Variants in G3BP1 observed in about 807,000 individuals in gnomAD.
The protein encoded by G3BP1 is G3BP stress granule assembly factor 1, also known as ras GTPase-activating protein-binding protein 1.
G3BP1 carries 35 observed loss-of-function variants against 58.6 expected under a neutral mutation model. That is an observed-to-expected ratio of 0.60 (90% confidence interval 0.46 to 0.79). The LOEUF is 0.79. Ranked by LOEUF, G3BP1 falls within the 30% of genes least tolerant of loss-of-function variation. G3BP1 has a pLI of 0.00. For missense variants in G3BP1, 523 were observed against 580.8 expected, an observed-to-expected ratio of 0.90 and a Z score of 1.02; for synonymous variants, 191 against 195.4, an observed-to-expected ratio of 0.98 and a Z score of 0.19.
In G3BP1 at chr5:151,812,528, A is replaced by T. The variant is rs961329808; in HGVS notation, c.*8437A>T. ...TCTAAGCGGGCAAAATGGGGAAAACATGAAGGGCAAGTCCTTTGGGGATGA... is the reference window on the plus strand; with the variant it reads ...TCTAAGCGGGCAAAATGGGGAAAACTTGAAGGGCAAGTCCTTTGGGGATGA... On this transcript the variant is annotated 3_prime_UTR_variant, in exon 12 of 12. Transcript: ENST00000356245. 8 of 152,248 alleles carry T rather than the reference A, an allele frequency of 5.3e-5. No homozygotes were observed. The highest frequency in any genetic ancestry group is 1.9e-4 in the African/African-American group (8 of 41,458). The allele number at this position is 152,248 out of a possible 1,614,324, so 9.4% of individuals were successfully genotyped here. A position where few individuals can be genotyped will look rare whatever the true frequency, so the allele number is the denominator to read the frequency against.
In G3BP1 at chr5:151,786,246, A is replaced by G. The variant is rs1389238463; in HGVS notation, c.-49-326A>G. ...GGAGGTTGTGGTGAGCCGAGATCGC[A>G]CCACTGCACTCCAGCCTGGGCAACA... On this transcript the variant is annotated intron_variant, in intron 1 of 11. Transcript: ENST00000356245. Among the ~76,000 whole-genome samples the G allele has an allele frequency of 2.6e-5, 4 of 152,176 alleles. No homozygotes were observed. In the East Asian group the frequency reaches 7.7e-4, roughly 29 times the overall value.
intron 1 of G3BP1, among the ~76,000 whole-genome samples, chr5:151,774,456 G>A (rs746921479): frequency 6.6e-6 from 1 of 151,956 alleles, no homozygotes; most frequent in Admixed American, 6.5e-5. Flanking sequence ...GACTGATGGG[G>A]CTAGTGTTAA....
intron 3 of G3BP1, 72 bp from the exon 4 acceptor site, chr5:151,790,817 T>G: frequency 2.3e-6 from 2 of 872,144 alleles, no homozygotes; most frequent in Non-Finnish European, 1.8e-6. Context: ...TGGAAGGTTT[T>G]TTTTAGTTGG....
chr5:151,800,927 T>C, intron 11 of G3BP1, 58 bp downstream of exon 11: 2 of 823,302 alleles, frequency 2.4e-6, no homozygotes, highest in East Asian at 2.5e-5. Flanking sequence ...TTTTGGTTCT[T>C]TAGAATATAT....
chr5:151,774,425 T>A (rs968034212), intron 1 of G3BP1, among the ~76,000 whole-genome samples: 8 of 151,990 alleles, frequency 5.3e-5, no homozygotes, highest in Non-Finnish European at 1.0e-4. Flanking sequence ...TAAAAGTTTG[T>A]GAATTTTATA....
chr5:151,777,082 A>C (rs1427017699), intron 1 of G3BP1, among the ~76,000 whole-genome samples: 1 of 152,192 alleles, frequency 6.6e-6, no homozygotes. Context: ...AAGGGAGGTG[A>C]CAGGTGGTAA....
At chr5:151,774,133 T>C (rs1293976065) in intron 1 of G3BP1, among the ~76,000 whole-genome samples, 1 of 152,160 alleles carries the variant, frequency 6.6e-6, no homozygotes, top group Non-Finnish European at 1.5e-5. Flanking sequence ...CTGCCCTACA[T>C]CCCTACCAAG....
At chr5:151,796,253 A>G (rs1227659021) in intron 6 of G3BP1, among the ~76,000 whole-genome samples, 2 of 152,102 alleles carry the variant, frequency 1.3e-5, no homozygotes, top group Non-Finnish European at 2.9e-5. Flanking sequence ...TCAGGAGGCA[A>G]AACATCTGCA....
At chr5:151,774,909 ATC>A (rs2113212491) in intron 1 of G3BP1, among the ~76,000 whole-genome samples, 1 of 149,206 alleles carries the variant, frequency 6.7e-6, no homozygotes, top group Non-Finnish European at 1.5e-5. Flanking sequence ...ATAATTTTAT[ATC>A]TCAGAAATCA....
At chr5:151,782,128 A>C (rs546872760) in intron 1 of G3BP1, among the ~76,000 whole-genome samples, 1 of 152,154 alleles carries the variant, frequency 6.6e-6, no homozygotes, top group Non-Finnish European at 1.5e-5. Flanking sequence ...TTTGATACTG[A>C]TAGTAATAAT....
At chr5:151,784,878 A>G (rs917880336) in intron 1 of G3BP1, among the ~76,000 whole-genome samples, 1 of 152,204 alleles carries the variant, frequency 6.6e-6, no homozygotes, top group African/African-American at 2.4e-5. Flanking sequence ...TATAGTGTAA[A>G]TGGGAAACTA....
rs1762560204 is a variant in G3BP1, at chr5:151,786,723, AT to A, written c.95+13del. 3.3e-6 allele frequency: 5 copies of A among 1,514,118 alleles called. No individual in the cohort carries two copies. The highest frequency in any genetic ancestry group is 2.8e-6 in the Non-Finnish European group (3 of 1,089,024). The allele number at this position is 1,514,118 out of a possible 1,614,324, so 93.8% of individuals were successfully genotyped here. A position where few individuals can be genotyped will look rare whatever the true frequency, so the allele number is the denominator to read the frequency against. ...CCCAGACATGCTGCATAGGTAAGAC[AT>A]TTTTCTCCTGCATCATCTAATGCTG... On this transcript the variant is annotated intron_variant, in intron 2 of 11. Coordinates refer to ENST00000356245, the MANE Select transcript of G3BP1 (RefSeq NM_005754.3).
intron 1 of G3BP1, among the ~76,000 whole-genome samples, chr5:151,780,805 C>T (rs927871880): frequency 1.3e-5 from 2 of 152,100 alleles, no homozygotes; most frequent in African/African-American, 4.8e-5. Flanking sequence ...AGCCACCGCG[C>T]CTGGCTGATA....
At chr5:151,783,410 A>ATT (rs141266723) in intron 1 of G3BP1, among the ~76,000 whole-genome samples, 13 of 146,108 alleles carry the variant, frequency 8.9e-5, no homozygotes, top group African/African-American at 3.0e-4. Flanking sequence ...AAATAAACAG[A>ATT]TTTTTTTTTT....
chr5:151,799,737 C>T (rs985721327), intron 8 of G3BP1, 152 bp from the exon 9 acceptor site: 8 of 595,750 alleles, frequency 1.3e-5, no homozygotes, highest in East Asian at 2.9e-5. Context: ...ACATATAGGA[C>T]GGAAGAGAAG....
At chr5:151,776,866 A>G (rs1015058332) in intron 1 of G3BP1, among the ~76,000 whole-genome samples, 6 of 148,718 alleles carry the variant, frequency 4.0e-5, no homozygotes, top group Non-Finnish European at 8.9e-5. Flanking sequence ...TGTGCTGGCC[A>G]CAGTTTATTT....
chr5:151,787,563 G>A (rs1284397854), intron 2 of G3BP1, among the ~76,000 whole-genome samples: 2 of 152,118 alleles, frequency 1.3e-5, no homozygotes, highest in Non-Finnish European at 2.9e-5. Context: ...ATTAATTTTA[G>A]TGGCTACACA....
Position 151,799,192 on chromosome 5 carries a change from T to C in G3BP1, c.742-20T>C, listed in dbSNP as rs2113247141. ...TTTGATACCTGGTATAATTATGTAATGTTGGTATTGCTCCCTTAGACATTT... is the reference window on the plus strand; with the variant it reads ...TTTGATACCTGGTATAATTATGTAACGTTGGTATTGCTCCCTTAGACATTT... On this transcript the variant is annotated intron_variant, in intron 7 of 11. Transcript: ENST00000356245. 1.8e-6 allele frequency: 2 copies of C among 1,141,994 alleles called. No homozygotes were observed. The highest frequency in any genetic ancestry group is 2.7e-6 in the Non-Finnish European group (2 of 748,378). The allele number at this position is 1,141,994 out of a possible 1,614,324, so 70.7% of individuals were successfully genotyped here. A position where few individuals can be genotyped will look rare whatever the true frequency, so the allele number is the denominator to read the frequency against.
chr5:151,786,501 T>C, intron 1 of G3BP1, 71 bp from the exon 2 acceptor site: 1 of 701,038 alleles, frequency 1.4e-6, no homozygotes, highest in East Asian at 2.5e-5. Context: ...AACGACTTGC[T>C]GAAATGATCT....
Sources: gnomAD v4.1 joint callset for allele counts (sites outside exome capture counted in the v4.1 genomes callset) on GRCh38, gnomAD v4.1.1 for gene constraint, MANE v1.5 for transcripts, NCBI Gene and HGNC (gene_info 2026-07-23, HGNC 2026-07-21) for gene names.